Variants in SSH2 observed in about 807,000 individuals in gnomAD.
SSH2 encodes the protein slingshot protein phosphatase 2, also known as protein phosphatase Slingshot homolog 2.
In SSH2, 37 loss-of-function variants were observed where a neutral mutation model predicts 135.2. That is an observed-to-expected ratio of 0.27 (90% CI 0.21 to 0.36). The LOEUF is 0.36. SSH2 is among the 10% of genes least tolerant of loss of function. The probability of loss-of-function intolerance (pLI) is 1.00; values close to 1 mark genes in which losing one functional copy is unlikely to be tolerated. For missense variants in SSH2, 1,408 were observed against 1,765.3 expected (o/e 0.80, Z 3.63); for synonymous variants, 628 against 646.2 (o/e 0.97, Z 0.43).
rs975787720 is a variant in SSH2 at position 29,631,858 on chromosome 17, C to T, written c.3336G>A (p.Glu1112=). The T allele has an allele frequency of 8.7e-6, 14 of 1,614,086 alleles. No individual in the cohort carries two copies. The highest frequency in any genetic ancestry group is 1.1e-5 in the Non-Finnish European group (13 of 1,180,036). Residue 1112 remains glutamate (E), a synonymous_variant, in exon 16 of 16, where the codon GAG becomes GAA. Coordinates refer to ENST00000540801, the MANE Select transcript of SSH2 (RefSeq NM_001282129.2). ...VLPLPHSSSP[E]HNRPTDHPTS... is the part of the protein sequence containing the mutation. The stretch of plus-strand genomic sequence containing the variant: ...TTGGATGGTCAGTGGGTCTGTTGTG[C>T]TCAGGGGAGGAAGAATGAGGCAGAG...
intron 3 of SSH2, among the ~76,000 whole-genome samples, chr17:29,740,604 A>C (rs574221142): frequency 1.3e-5 from 2 of 152,224 alleles, no homozygotes; most frequent in Non-Finnish European, 2.9e-5. Flanking sequence ...AACTGGTTCA[A>C]GAATTTAAAT....
intron 11 of SSH2, among the ~76,000 whole-genome samples, chr17:29,659,617 G>A (rs546983664): frequency 6.6e-6 from 1 of 152,228 alleles, no homozygotes; most frequent in South Asian, 2.1e-4. Flanking sequence ...TCCACCTCCC[G>A]GGTTCATGCC....
chr17:29,762,204 G>A (rs1435712382), intron 3 of SSH2, among the ~76,000 whole-genome samples: 2 of 151,620 alleles, frequency 1.3e-5, no homozygotes, highest in Non-Finnish European at 2.9e-5. Context: ...TTAAACAGTT[G>A]AAGTAATGGT....
At chr17:29,802,411 A>G (rs2042265064) in intron 2 of SSH2, among the ~76,000 whole-genome samples, 1 of 152,170 alleles carries the variant, frequency 6.6e-6, no homozygotes, top group Non-Finnish European at 1.5e-5. Context: ...AGAAGTGACT[A>G]ACTATGGTGT....
chr17:29,804,843 C>CTTTTTTTTT (rs531310094), intron 2 of SSH2, among the ~76,000 whole-genome samples: 3 of 98,996 alleles, frequency 3.0e-5, no homozygotes, highest in East Asian at 2.8e-4. Context: ...CCACATCTGG[C>CTTTTTTTTT]TTTTTTTTTT....
chr17:29,709,494 T>C (rs1022753877), intron 3 of SSH2, among the ~76,000 whole-genome samples: 2 of 152,234 alleles, frequency 1.3e-5, no homozygotes, highest in Non-Finnish European at 1.5e-5. Flanking sequence ...CTGGCCATCA[T>C]GGCAAAACTC....
At chr17:29,794,035 G>T in intron 2 of SSH2, 98 bp from the exon 3 acceptor site, 1 of 942,312 alleles carries the variant, frequency 1.1e-6, no homozygotes, top group South Asian at 1.5e-5. Flanking sequence ...TTGTGTACTT[G>T]AACTAAATTA....
intron 2 of SSH2, among the ~76,000 whole-genome samples, chr17:29,829,718 T>C (rs963860846): frequency 1.3e-5 from 2 of 152,132 alleles, no homozygotes; most frequent in African/African-American, 4.8e-5. Context: ...GTTGTGCTCA[T>C]ATAGAAGCCC....
chr17:29,643,048 C>G, intron 14 of SSH2: 1 of 846,626 alleles, frequency 1.2e-6, no homozygotes, highest in Non-Finnish European at 1.4e-6. Flanking sequence ...AGGAAATGGA[C>G]TTTCTCTGCA....
intron 1 of SSH2, among the ~76,000 whole-genome samples, chr17:29,876,342 A>G (rs1011213390): frequency 6.6e-6 from 1 of 152,190 alleles, no homozygotes; most frequent in Admixed American, 6.5e-5. Context: ...AAATCCACAC[A>G]TCTATAGTGA....
At chr17:29,648,513 A>AG (rs1263863977) in intron 13 of SSH2, among the ~76,000 whole-genome samples, 169 bp from the exon 14 acceptor site, 1 of 152,262 alleles carries the variant, frequency 6.6e-6, no homozygotes. Context: ...ATGTGTGGGT[A>AG]GGGTAGAGTG....
intron 1 of SSH2, among the ~76,000 whole-genome samples, chr17:29,915,133 CAAA>C (rs1050175403): frequency 2.6e-4 from 39 of 152,144 alleles, no homozygotes; most frequent in African/African-American, 9.4e-4. Context: ...TTTCAGTACT[CAAA>C]GAAGAAATAG....
chr17:29,820,942 G>A (rs572898350), intron 2 of SSH2, among the ~76,000 whole-genome samples: 4 of 152,142 alleles, frequency 2.6e-5, no homozygotes, highest in Non-Finnish European at 4.4e-5. Context: ...GGAATCAACC[G>A]TAAGAACTCC....
At chr17:29,671,248 G>A (rs1381013156) in intron 9 of SSH2, among the ~76,000 whole-genome samples, 6 of 152,240 alleles carry the variant, frequency 3.9e-5, no homozygotes, top group East Asian at 1.9e-4. Flanking sequence ...TTGGTAGGCC[G>A]AGGCAGGAGG....
chr17:29,725,467 C>T (rs1244159556), intron 3 of SSH2, among the ~76,000 whole-genome samples: 1 of 151,332 alleles, frequency 6.6e-6, no homozygotes, highest in Non-Finnish European at 1.5e-5. Context: ...ACTGCAGCTA[C>T]ATTTACAATA....
intron 3 of SSH2, among the ~76,000 whole-genome samples, chr17:29,756,653 G>GTT (rs1248744833): frequency 6.6e-6 from 1 of 151,626 alleles, no homozygotes; most frequent in Non-Finnish European, 1.5e-5. Flanking sequence ...GTTTTTTGGT[G>GTT]TTTTGTTTTG....
chr17:29,925,511 T>C (rs1041994708), intron 1 of SSH2: 1 of 397,934 alleles, frequency 2.5e-6, no homozygotes, highest in African/African-American at 2.1e-5. Context: ...ACGCCACGAG[T>C]TCAAGACCAG....
At position 29,892,070 on chromosome 17, in the gene SSH2, C is replaced by CT. The variant is rs201737249; in HGVS notation, c.63+37867dup. ...TTTTTTTTCTTTCTTTTCTTTCTTT[C>CT]TTTTTTTATTAAAAAGAGACAAGGT... On this transcript the variant is annotated intron_variant, in intron 1 of 15. Transcript: ENST00000540801. Among the ~76,000 whole-genome samples, 233 of 149,674 alleles carry CT rather than the reference C, an allele frequency of 1.6e-3. 1 individual carries two copies. Among genetic ancestry groups the CT allele is most frequent in the African/African-American group, 5.4e-3 (221 of 40,832 alleles).
intron 1 of SSH2, among the ~76,000 whole-genome samples, chr17:29,900,533 C>T (rs2066531346): frequency 6.6e-6 from 1 of 152,212 alleles, no homozygotes; most frequent in Admixed American, 6.5e-5. Context: ...AAAAAATGCT[C>T]ATCATCACTG....
Sources: allele counts gnomAD v4.1 joint callset (sites outside exome capture counted in the v4.1 genomes callset), GRCh38; gene constraint gnomAD v4.1.1; transcripts MANE v1.5; gene names NCBI Gene and HGNC (gene_info 2026-07-23, HGNC 2026-07-21).